Variants in ARMH4 observed in about 807,000 individuals in gnomAD.
ARMH4 encodes armadillo-like helical domain-containing protein 4.
A neutral mutation model predicts 61.9 loss-of-function variants in ARMH4; 49 were observed. The ratio of observed to expected loss-of-function variants is 0.79; its 90% CI spans 0.63 to 1.00. ARMH4 has a LOEUF of 1.00. ARMH4 is among the 50% of genes least tolerant of loss of function. The pLI is 0.00. For synonymous variants in ARMH4, 368 were observed against 341.5 expected (o/e 1.08, Z -0.85); for missense variants, 934 against 930.0 (o/e 1.00, Z -0.06).
intron 5 of ARMH4, among the ~76,000 whole-genome samples, chr14:58,022,040 G>A (rs1882853180): frequency 6.6e-6 from 1 of 152,098 alleles, no homozygotes; most frequent in South Asian, 2.1e-4. Context: ...TTATATTTCT[G>A]GAGGCAGAAA....
At chr14:58,006,932 T>TA (rs1566536432) in intron 6 of ARMH4, among the ~76,000 whole-genome samples, 2 of 147,402 alleles carry the variant, frequency 1.4e-5, no homozygotes, top group Non-Finnish European at 3.0e-5. Flanking sequence ...ATAAATAAAT[T>TA]AATTAATTAA....
intron 1 of ARMH4, among the ~76,000 whole-genome samples, chr14:58,149,162 C>T (rs895466716): frequency 1.3e-5 from 2 of 152,064 alleles, no homozygotes; most frequent in African/African-American, 2.4e-5. Flanking sequence ...ATTGCCAATA[C>T]TATTGTATTT....
Position 58,036,845 on chromosome 14 carries a change from G to T in ARMH4, c.2090-24695C>A, listed in dbSNP as rs1379829197. On this transcript the variant is annotated intron_variant, in intron 5 of 7. Transcript: ENST00000267485. ...AATACCTAGGAATCCAACTTAAAGG[G>T]ATGTGAAGGACCTCTTCAAGGAGAA... 2.5e-3 allele frequency among the ~76,000 whole-genome samples: 321 copies of T among 128,202 alleles called. 5 individuals carry two copies. The highest frequency in any genetic ancestry group is 4.3e-3 in the Non-Finnish European group (246 of 57,432). 84.1% of individuals were successfully genotyped at this position (128,202 alleles called of 152,430 possible). A position where few individuals can be genotyped will look rare whatever the true frequency, so the allele number is the denominator to read the frequency against.
At chr14:58,030,457 T>A (rs1759989484) in intron 5 of ARMH4, among the ~76,000 whole-genome samples, 1 of 152,250 alleles carries the variant, frequency 6.6e-6, no homozygotes, top group South Asian at 2.1e-4. Flanking sequence ...AATTTTTTTA[T>A]CGTGGTAATA....
chr14:58,135,621 T>G (rs1887277840), intron 2 of ARMH4, among the ~76,000 whole-genome samples: 1 of 152,092 alleles, frequency 6.6e-6, no homozygotes, highest in Non-Finnish European at 1.5e-5. Context: ...CTCTCATTCT[T>G]CCTACTTCAT....
chr14:58,135,001 C>A (rs1566597492), intron 2 of ARMH4, among the ~76,000 whole-genome samples: 1 of 151,292 alleles, frequency 6.6e-6, no homozygotes, highest in Non-Finnish European at 1.5e-5. Flanking sequence ...CATGGCATAT[C>A]CTATTACTTT....
chr14:58,044,733 A>G (rs1324212842), intron 5 of ARMH4, among the ~76,000 whole-genome samples: 3 of 152,246 alleles, frequency 2.0e-5, no homozygotes, highest in African/African-American at 2.4e-5. Context: ...AAGGGCTAAT[A>G]TCCAGAATCT....
chr14:58,092,252 A>G (rs1404130064), intron 5 of ARMH4, among the ~76,000 whole-genome samples: 1 of 152,244 alleles, frequency 6.6e-6, no homozygotes, highest in Non-Finnish European at 1.5e-5. Flanking sequence ...ATAGGAATGA[A>G]GCGGACAGCC....
intron 5 of ARMH4, among the ~76,000 whole-genome samples, chr14:58,042,974 C>T (rs899967337): frequency 2.6e-5 from 4 of 152,062 alleles, no homozygotes; most frequent in Admixed American, 2.6e-4. Context: ...AGCTTACCAA[C>T]CAAAAAAAGT....
rs201967710 is a variant in ARMH4, at chr14:58,133,389, T to TA, written c.1370-49dup. On this transcript the variant is annotated intron_variant, in intron 2 of 7. Coordinates refer to ENST00000267485, the MANE Select transcript of ARMH4 (RefSeq NM_001001872.4). ...AAAATAGACCAAATCCCTATTTTTT[T>TA]AAAAAAAAAAAATCATGATATGATT... is the stretch of plus-strand genomic sequence containing the variant. The TA allele has an allele frequency of 5.7e-3, 7,517 of 1,309,686 alleles. 9 individuals carry two copies. Among genetic ancestry groups the TA allele is most frequent in the East Asian group, 0.043 (1,575 of 36,368 alleles). The allele number at this position is 1,309,686 out of a possible 1,614,324, so 81.1% of individuals were successfully genotyped here.
intron 5 of ARMH4, among the ~76,000 whole-genome samples, chr14:58,031,231 G>A (rs540384518): frequency 1.4e-4 from 22 of 152,236 alleles, no homozygotes; most frequent in South Asian, 4.1e-4. Flanking sequence ...TCTGAGCATC[G>A]ATTAGACACT....
chr14:58,020,401 C>G (rs1882781007), intron 5 of ARMH4, among the ~76,000 whole-genome samples: 2 of 152,204 alleles, frequency 1.3e-5, no homozygotes. Context: ...ATGTGCTTCT[C>G]TTTCTGCCTC....
intron 4 of ARMH4, among the ~76,000 whole-genome samples, chr14:58,123,739 T>C (rs1379781816): frequency 6.6e-6 from 1 of 152,228 alleles, no homozygotes; most frequent in African/African-American, 2.4e-5. Context: ...TGGACTGTTT[T>C]ACCCCAAGGG....
At chr14:58,029,743 T>C (rs1006215209) in intron 5 of ARMH4, among the ~76,000 whole-genome samples, 31 of 152,264 alleles carry the variant, frequency 2.0e-4, no homozygotes, top group African/African-American at 6.5e-4. Flanking sequence ...AGAACTCTCA[T>C]ACGTTGCTGG....
intron 5 of ARMH4, among the ~76,000 whole-genome samples, chr14:58,023,804 T>C (rs1256882283): frequency 6.6e-6 from 1 of 152,238 alleles, no homozygotes; most frequent in Non-Finnish European, 1.5e-5. Context: ...ATTGTATTAG[T>C]AGGCATAAAA....
intron 5 of ARMH4, among the ~76,000 whole-genome samples, chr14:58,078,176 CA>C (rs1440092481): frequency 6.6e-6 from 1 of 152,170 alleles, no homozygotes; most frequent in Non-Finnish European, 1.5e-5. Context: ...CAGGGCAGGG[CA>C]AAAGCTTATG....
At chr14:58,077,821 T>C (rs1435525566) in intron 5 of ARMH4, among the ~76,000 whole-genome samples, 1 of 152,252 alleles carries the variant, frequency 6.6e-6, no homozygotes, top group Admixed American at 6.5e-5. Context: ...TGTCTCTTTC[T>C]TCTGAAATCC....
chr14:58,103,157 G>A (rs890727644), intron 4 of ARMH4, among the ~76,000 whole-genome samples: 2 of 151,682 alleles, frequency 1.3e-5, no homozygotes, highest in African/African-American at 4.8e-5. Flanking sequence ...ATAGAATAAG[G>A]CAGAGAAAGA....
At chr14:58,025,505 T>C (rs557417812) in intron 5 of ARMH4, among the ~76,000 whole-genome samples, 33 of 152,322 alleles carry the variant, frequency 2.2e-4, no homozygotes, top group African/African-American at 7.0e-4. Flanking sequence ...TATTAGAGCA[T>C]AGTCCTTTGT....
Sources: allele counts gnomAD v4.1 joint callset (sites outside exome capture counted in the v4.1 genomes callset), GRCh38; gene constraint gnomAD v4.1.1; transcripts MANE v1.5; gene names NCBI Gene and HGNC (gene_info 2026-07-23, HGNC 2026-07-21).